Variants in FSTL5 observed in about 807,000 individuals in gnomAD.
The protein encoded by FSTL5 is follistatin-related protein 5.
Under a neutral mutation model 89.1 loss-of-function variants are expected in FSTL5, and 62 were observed. The ratio of observed to expected loss-of-function variants is 0.70; its 90% CI spans 0.57 to 0.86. FSTL5 has a LOEUF of 0.86. Among genes scored for constraint, FSTL5 ranks in the 40% least tolerant of loss-of-function variants. The pLI, the probability that FSTL5 is intolerant of heterozygous loss-of-function variation, is 0.00. For synonymous variants in FSTL5, 383 were observed against 346.2 expected, an observed-to-expected ratio of 1.11 and a Z score of -1.18; for missense variants, 1,057 against 1,001.6, an observed-to-expected ratio of 1.06 and a Z score of -0.75.
intron 4 of FSTL5, among the ~76,000 whole-genome samples, chr4:161,784,768 C>T (rs1474055577): frequency 1.3e-5 from 2 of 151,716 alleles, no homozygotes; most frequent in Non-Finnish European, 2.9e-5. Context: ...GTGGCGGGCG[C>T]CTGTAGTCCC....
intron 3 of FSTL5, among the ~76,000 whole-genome samples, chr4:161,927,836 C>CT (rs1309020685): frequency 6.6e-6 from 1 of 151,514 alleles, no homozygotes; most frequent in Non-Finnish European, 1.5e-5. Context: ...TTGATATTTA[C>CT]TTTTTTAAAT....
intron 4 of FSTL5, among the ~76,000 whole-genome samples, chr4:161,866,132 T>C (rs770282719): frequency 1.3e-5 from 2 of 152,218 alleles, no homozygotes; most frequent in African/African-American, 2.4e-5. Context: ...TCCAGAATGA[T>C]GGTTCCCTTT....
rs150868213 is a variant in FSTL5 at position 161,393,542 on chromosome 4, T to G, written c.1842-7093A>C. Among the ~76,000 whole-genome samples, 31 of 152,156 alleles carry G rather than the reference T, an allele frequency of 2.0e-4. 1 individual carries two copies. The highest frequency in any genetic ancestry group is 7.5e-4 in the African/African-American group (31 of 41,526). On this transcript the variant is annotated intron_variant, in intron 15 of 15. Transcript: ENST00000306100. ...CTACATCCCGGCTTCAGCTAGTAAA[T>G]TACATTTTTGTTATGTTAGGCTTTC...
At chr4:161,904,516 T>C (rs1027211639) in intron 4 of FSTL5, among the ~76,000 whole-genome samples, 17 of 152,010 alleles carry the variant, frequency 1.1e-4, no homozygotes, top group Admixed American at 5.2e-4. Flanking sequence ...ATTCCAAATT[T>C]TTATGAAAAC....
At chr4:161,476,827 T>A (rs1332802026) in intron 13 of FSTL5, among the ~76,000 whole-genome samples, 1 of 152,204 alleles carries the variant, frequency 6.6e-6, no homozygotes, top group Non-Finnish European at 1.5e-5. Flanking sequence ...CACCCACCTC[T>A]GTCTGTAGCT....
At chr4:161,925,002 T>C (rs1734085194) in intron 3 of FSTL5, among the ~76,000 whole-genome samples, 1 of 151,884 alleles carries the variant, frequency 6.6e-6, no homozygotes, top group South Asian at 2.1e-4. Flanking sequence ...TTTGCTTTTC[T>C]GTTCCACTCT....
intron 4 of FSTL5, among the ~76,000 whole-genome samples, chr4:161,824,370 T>C (rs892815660): frequency 3.3e-5 from 5 of 152,348 alleles, no homozygotes; most frequent in African/African-American, 9.6e-5. Flanking sequence ...CATTGGCCTA[T>C]GTGCCTATTT....
At chr4:161,484,923 T>G (rs1729628158) in intron 12 of FSTL5, among the ~76,000 whole-genome samples, 1 of 152,170 alleles carries the variant, frequency 6.6e-6, no homozygotes, top group African/African-American at 2.4e-5. Context: ...AGGCCAAATT[T>G]GGCCCACTGC....
intron 2 of FSTL5, among the ~76,000 whole-genome samples, chr4:162,077,104 G>C (rs1473356877): frequency 1.3e-5 from 2 of 151,806 alleles, no homozygotes; most frequent in Non-Finnish European, 2.9e-5. Flanking sequence ...AAATATATTT[G>C]TTGGCTTATG....
intron 1 of FSTL5, among the ~76,000 whole-genome samples, chr4:162,117,544 A>G (rs1459076376): frequency 1.3e-5 from 2 of 152,228 alleles, no homozygotes; most frequent in Non-Finnish European, 2.9e-5. Flanking sequence ...ATTAGAGAGG[A>G]GAAGAGGTCC....
At chr4:162,009,496 GGCTACAATTATAAAATA>G (rs1331905008) in intron 3 of FSTL5, among the ~76,000 whole-genome samples, 5 of 151,898 alleles carry the variant, frequency 3.3e-5, no homozygotes, top group Non-Finnish European at 5.9e-5. Context: ...TAATGCAAAA[GGCTACAATTATAAAATA>G]TGCCACCCCA....
chr4:161,497,536 C>T, intron 12 of FSTL5, among the ~76,000 whole-genome samples: 1 of 151,890 alleles, frequency 6.6e-6, no homozygotes. Flanking sequence ...TAGTTTTCTC[C>T]TTTCTTAAAA....
intron 3 of FSTL5, among the ~76,000 whole-genome samples, chr4:162,021,680 TAGAAAC>T (rs528948206): frequency 1.1e-3 from 167 of 152,178 alleles, no homozygotes; most frequent in Middle Eastern, 3.4e-3. Context: ...GGAAACAACT[TAGAAAC>T]AGAAAGTCAA....
chr4:161,975,795 AAAAT>A (rs1735622462), intron 3 of FSTL5, among the ~76,000 whole-genome samples: 3 of 148,198 alleles, frequency 2.0e-5, no homozygotes, highest in Middle Eastern at 3.4e-3. Context: ...AAAATAAAAT[AAAAT>A]AAAAAATAAA....
intron 15 of FSTL5, among the ~76,000 whole-genome samples, chr4:161,395,211 G>A (rs1490785486): frequency 6.6e-6 from 1 of 151,740 alleles, no homozygotes; most frequent in Non-Finnish European, 1.5e-5. Context: ...CAAACATAGG[G>A]GCAAAGATGA....
At chr4:161,922,220 T>G (rs187106587) in intron 3 of FSTL5, among the ~76,000 whole-genome samples, 4 of 152,026 alleles carry the variant, frequency 2.6e-5, no homozygotes, top group East Asian at 1.9e-4. Context: ...TGATGAAGGA[T>G]TCCATGAAAT....
At chr4:161,697,939 G>A (rs571684928) in intron 6 of FSTL5, among the ~76,000 whole-genome samples, 2 of 67,704 alleles carry the variant, frequency 3.0e-5, no homozygotes, top group African/African-American at 6.1e-5. Flanking sequence ...ATATGGGAAG[G>A]TGTGTGTGTG....
At chr4:161,746,771 T>A (rs868838306) in intron 6 of FSTL5, among the ~76,000 whole-genome samples, 15 of 152,316 alleles carry the variant, frequency 9.8e-5, no homozygotes, top group Middle Eastern at 3.4e-3. Context: ...TTATCCAATT[T>A]CTCATTATTA....
chr4:161,626,492 C>G (rs191217853), intron 7 of FSTL5, among the ~76,000 whole-genome samples: 1 of 152,086 alleles, frequency 6.6e-6, no homozygotes, highest in Non-Finnish European at 1.5e-5. Context: ...AAATAAAAAA[C>G]GATTCCTTTC....
Sources: allele counts gnomAD v4.1 joint callset (sites outside exome capture counted in the v4.1 genomes callset), GRCh38; gene constraint gnomAD v4.1.1; transcripts MANE v1.5; gene names NCBI Gene and HGNC (gene_info 2026-07-23, HGNC 2026-07-21).